Variants in IL1RAPL1 observed in about 807,000 individuals in gnomAD.
IL1RAPL1 encodes interleukin-1 receptor accessory protein-like 1.
Under a neutral mutation model 48.4 loss-of-function variants are expected in IL1RAPL1, and 3 were observed. The observed-to-expected ratio is 0.06, with a 90% confidence interval of 0.03 to 0.16. The LOEUF (loss-of-function observed/expected upper bound fraction) is 0.16. Among genes scored for constraint, IL1RAPL1 ranks in the 10% least tolerant of loss-of-function variants. The pLI is 1.00. For synonymous variants in IL1RAPL1, 185 were observed against 187.7 expected, an observed-to-expected ratio of 0.99 and a Z score of 0.12; for missense variants, 349 against 530.6, an observed-to-expected ratio of 0.66 and a Z score of 3.36.
At chrX:29,821,069 G>T (rs1401819312) in intron 6 of IL1RAPL1, among the ~76,000 whole-genome samples, 1 of 111,918 alleles carries the variant, frequency 8.9e-6, no homozygotes. Flanking sequence ...GGCTCAGAAA[G>T]TTCAGTAATA....
chrX:29,779,718 T>C (rs753805640), intron 6 of IL1RAPL1, among the ~76,000 whole-genome samples: 1 of 112,090 alleles, frequency 8.9e-6, no homozygotes, highest in East Asian at 2.8e-4. Context: ...CTATAAAATA[T>C]ACTTAATTTC....
rs984302619 is a variant in IL1RAPL1 at position 28,842,455 on chromosome X, G to T, written c.82+53030G>T. Among the ~76,000 whole-genome samples the T allele has an allele frequency of 7.3e-5, 8 of 110,281 alleles. No individual in the cohort carries two copies. In the East Asian group the frequency reaches 2.3e-3, roughly 32 times the overall value. On this transcript the variant is annotated intron_variant, in intron 2 of 10. Transcript: ENST00000378993. ...CGCTAAACATCTTTTCTTTGACCTC[G>T]GCCAAATTCCTTAACTGTTGAATCT... is the stretch of plus-strand genomic sequence containing the variant.
rs1041090814 is a variant in IL1RAPL1, at chrX:28,696,807, C to T, written c.-24-92513C>T. 5.4e-5 allele frequency among the ~76,000 whole-genome samples: 6 copies of T among 111,379 alleles called. No homozygotes were observed. In the Admixed American group the frequency reaches 5.7e-4, roughly 11 times the overall value. ...TTTTCCTAATAGGTGCCTAATATTC[C>T]AGCTGAAGTGGCATAATTTATTTTG... On this transcript the variant is annotated intron_variant, in intron 1 of 10. Transcript: ENST00000378993.
chrX:28,779,640 A>G lies in IL1RAPL1; in HGVS notation c.-24-9680A>G, dbSNP rs868513626. On this transcript the variant is annotated intron_variant, in intron 1 of 10. Transcript: ENST00000378993. Reference sequence around the variant, plus strand: ...ATTATGTGTGTGTGTGTGTGTATATATATATATATATATATATATATATAT... The same window carrying G: ...ATTATGTGTGTGTGTGTGTGTATATGTATATATATATATATATATATATAT... Among the ~76,000 whole-genome samples, 120 of 61,321 alleles carry G rather than the reference A, an allele frequency of 2.0e-3. 1 individual carries two copies. Among genetic ancestry groups the G allele is most frequent in the African/African-American group, 3.5e-3 (50 of 14,272 alleles). 53.2% of individuals were successfully genotyped at this position (61,321 alleles called of 115,157 possible).
At chrX:29,684,718 T>A (rs992586081) in intron 6 of IL1RAPL1, among the ~76,000 whole-genome samples, 1 of 111,830 alleles carries the variant, frequency 8.9e-6, no homozygotes, top group Non-Finnish European at 1.9e-5. Context: ...TGGAAGTACT[T>A]AGGACATTCA....
intron 5 of IL1RAPL1, among the ~76,000 whole-genome samples, chrX:29,501,864 T>C (rs1179835884): frequency 9.2e-6 from 1 of 108,617 alleles, no homozygotes; most frequent in East Asian, 2.8e-4. Flanking sequence ...AGAATGTGAT[T>C]GATATTTTGA....
chrX:29,568,404 A>C (rs966474451), intron 5 of IL1RAPL1, among the ~76,000 whole-genome samples: 1 of 110,157 alleles, frequency 9.1e-6, no homozygotes, highest in African/African-American at 3.3e-5. Context: ...AGATTAAAAG[A>C]GAGCCATGCA....
chrX:29,752,024 T>C (rs1462023838), intron 6 of IL1RAPL1, among the ~76,000 whole-genome samples: 1 of 101,714 alleles, frequency 9.8e-6, no homozygotes, highest in East Asian at 3.0e-4. Flanking sequence ...TATGATAATA[T>C]GTAACTACCT....
chrX:28,621,954 GAAGA>G (rs1934289136), intron 1 of IL1RAPL1, among the ~76,000 whole-genome samples: 1 of 110,753 alleles, frequency 9.0e-6, no homozygotes, highest in Non-Finnish European at 1.9e-5. Context: ...AATTAGGAAG[GAAGA>G]GGCAGGTGGC....
chrX:29,597,243 TC>T (rs1923582302), intron 5 of IL1RAPL1, among the ~76,000 whole-genome samples: 1 of 103,860 alleles, frequency 9.6e-6, no homozygotes, highest in African/African-American at 3.5e-5. Flanking sequence ...AACCTCTGCC[TC>T]CCAGGTTCAA....
At chrX:28,869,281 C>G (rs762642698) in intron 2 of IL1RAPL1, among the ~76,000 whole-genome samples, 6 of 112,397 alleles carry the variant, frequency 5.3e-5, no homozygotes, top group Non-Finnish European at 9.4e-5. Flanking sequence ...TAATCAAATT[C>G]ATGCAGAGTG....
At chrX:29,235,039 G>A in intron 2 of IL1RAPL1, among the ~76,000 whole-genome samples, 1 of 111,847 alleles carries the variant, frequency 8.9e-6, no homozygotes, top group South Asian at 3.8e-4. Flanking sequence ...CTTTTAAAGT[G>A]TCCACTTCTA....
At chrX:29,476,400 G>C (rs1351677502) in intron 5 of IL1RAPL1, among the ~76,000 whole-genome samples, 1 of 111,627 alleles carries the variant, frequency 9.0e-6, no homozygotes, top group Non-Finnish European at 1.9e-5. Context: ...TTTTCTCTGT[G>C]TACTTCTATT....
intron 1 of IL1RAPL1, among the ~76,000 whole-genome samples, chrX:28,769,424 A>G (rs1448630339): frequency 2.7e-5 from 3 of 111,097 alleles, no homozygotes; most frequent in Non-Finnish European, 5.7e-5. Context: ...CCAACTCTCA[A>G]TGAAGGAATG....
intron 2 of IL1RAPL1, among the ~76,000 whole-genome samples, chrX:28,934,646 TTCG>T (rs746097679): frequency 2.3e-4 from 26 of 112,030 alleles, no homozygotes; most frequent in Admixed American, 2.3e-3. Flanking sequence ...AATTTGTTGT[TTCG>T]TGACTGATTT....
At chrX:29,648,107 A>T (rs1392657903) in intron 5 of IL1RAPL1, among the ~76,000 whole-genome samples, 1 of 112,328 alleles carries the variant, frequency 8.9e-6, no homozygotes, top group Non-Finnish European at 1.9e-5. Flanking sequence ...TAATGATTAT[A>T]GACATATATG....
chrX:29,419,961 C>T (rs1302266422), intron 5 of IL1RAPL1, among the ~76,000 whole-genome samples: 1 of 111,880 alleles, frequency 8.9e-6, no homozygotes, highest in Non-Finnish European at 1.9e-5. Flanking sequence ...AACCATGTGA[C>T]TAGTTCTTAT....
At chrX:29,933,672 A>AAAG (rs1569207028) in intron 8 of IL1RAPL1, among the ~76,000 whole-genome samples, 3 of 109,949 alleles carry the variant, frequency 2.7e-5, no homozygotes, top group African/African-American at 9.9e-5. Context: ...AAAAAAAAAA[A>AAAG]AGAGAGAGAA....
chrX:28,955,353 A>G (rs964159547), intron 2 of IL1RAPL1, among the ~76,000 whole-genome samples: 5 of 110,975 alleles, frequency 4.5e-5, no homozygotes, highest in African/African-American at 1.6e-4. Flanking sequence ...TAGAGAGTTC[A>G]CTTTTGGCTC....
Sources: allele counts gnomAD v4.1 joint callset (sites outside exome capture counted in the v4.1 genomes callset), GRCh38; gene constraint gnomAD v4.1.1; transcripts MANE v1.5; gene names NCBI Gene and HGNC (gene_info 2026-07-23, HGNC 2026-07-21).